The following ISCA1 variants were observed in gnomAD, a reference collection of about 807,000 sequenced individuals.
ISCA1 encodes iron-sulfur cluster assembly 1.
Under a neutral mutation model 14.7 loss-of-function variants are expected in ISCA1, and 9 were observed. That is an observed-to-expected ratio of 0.61 (90% CI 0.37 to 1.07). ISCA1 has a LOEUF of 1.07. Among genes scored for constraint, ISCA1 ranks in the 50% least tolerant of loss-of-function variants. The pLI is 0.01. For synonymous variants in ISCA1, 38 were observed against 54.3 expected (o/e 0.70, Z 1.32); for missense variants, 102 against 150.1 (o/e 0.68, Z 1.67).
chr9:86,279,818 A>G (rs1825486819), intron 1 of ISCA1, among the ~76,000 whole-genome samples: 2 of 152,228 alleles, frequency 1.3e-5, no homozygotes. Context: ...TGCTGATGAT[A>G]AACTAAGCAC....
chr9:86,280,793 C>T (rs1477805914), intron 1 of ISCA1, among the ~76,000 whole-genome samples: 1 of 151,596 alleles, frequency 6.6e-6, no homozygotes, highest in African/African-American at 2.4e-5. Flanking sequence ...GCATGCATGA[C>T]GGTGCACACC....
intron 1 of ISCA1, among the ~76,000 whole-genome samples, chr9:86,274,779 T>C (rs1825420326): frequency 6.6e-6 from 1 of 152,188 alleles, no homozygotes; most frequent in Non-Finnish European, 1.5e-5. Context: ...GTGTGCTTCT[T>C]GCACCAGTCC....
At chr9:86,279,861 G>C (rs550419034) in intron 1 of ISCA1, among the ~76,000 whole-genome samples, 1 of 152,282 alleles carries the variant, frequency 6.6e-6, no homozygotes, top group Admixed American at 6.5e-5. Context: ...GTCCTGACTA[G>C]GGCACGAATG....
chr9:86,265,884 G>T lies in ISCA1; in HGVS notation c.*159C>A, dbSNP rs769542902. On this transcript the variant is annotated 3_prime_UTR_variant, in exon 4 of 4. Coordinates refer to ENST00000375991, the MANE Select transcript of ISCA1 (RefSeq NM_030940.4). ...CTTCTCATTTTCTGTCCCCTATAGA[G>T]AATATAAATATCATTTCTTCTGGAA... The T allele has an allele frequency of 8.7e-7, 1 of 1,155,926 alleles. No homozygotes were observed. Among genetic ancestry groups the T allele is most frequent in the Non-Finnish European group, 1.3e-6 (1 of 766,876 alleles). The allele number at this position is 1,155,926 out of a possible 1,614,324, so 71.6% of individuals were successfully genotyped here.
rs567261815 is a variant in ISCA1, at chr9:86,265,145, T to G, written c.*898A>C. ...TAAAAATAATATAATCTCTATCAAA[T>G]TATAAAGAAATTCTATCAAAATGTT... On this transcript the variant is annotated 3_prime_UTR_variant, in exon 4 of 4. Transcript: ENST00000375991. 1 of 152,328 alleles carries G rather than the reference T, an allele frequency of 6.6e-6. No homozygotes were observed. The highest frequency in any genetic ancestry group is 1.9e-4 in the East Asian group (1 of 5,192). 9.4% of individuals were successfully genotyped at this position (152,328 alleles called of 1,614,324 possible). A position where few individuals can be genotyped will look rare whatever the true frequency, so the allele number is the denominator to read the frequency against.
chr9:86,280,625 A>G (rs1447833918), intron 1 of ISCA1, among the ~76,000 whole-genome samples: 1 of 149,116 alleles, frequency 6.7e-6, no homozygotes, highest in African/African-American at 2.5e-5. Flanking sequence ...GAAATTCTGA[A>G]GGAAGAGGTA....
At chr9:86,272,249 G>A in intron 2 of ISCA1, 137 bp from the exon 3 acceptor site, 1 of 651,338 alleles carries the variant, frequency 1.5e-6, no homozygotes. Flanking sequence ...TCACTATGTA[G>A]CCCAGACTGG....
intron 3 of ISCA1, among the ~76,000 whole-genome samples, chr9:86,270,947 C>A (rs1471298445): frequency 3.5e-5 from 3 of 85,418 alleles, no homozygotes; most frequent in African/African-American, 5.0e-5. Flanking sequence ...TGTTGTGGGG[C>A]GGGGGGAGGG....
intron 3 of ISCA1, chr9:86,267,727 G>T: frequency 6.4e-6 from 2 of 312,854 alleles, no homozygotes; most frequent in Non-Finnish European, 4.6e-6. Context: ...CAGCTACTTG[G>T]GAGGCTGAGG....
chr9:86,282,519 A>C lies in ISCA1; in HGVS notation c.-61T>G, dbSNP rs909270385. 2 of 1,549,274 alleles carry C rather than the reference A, an allele frequency of 1.3e-6. No homozygotes were observed. The highest frequency in any genetic ancestry group is 1.7e-6 in the Non-Finnish European group (2 of 1,146,354). Reference sequence around the variant, plus strand: ...AGGTCGGCCGCCTCAGCTTCTCTCCATGGACACGGCGGGCGCATTGACGCC... The same window carrying C: ...AGGTCGGCCGCCTCAGCTTCTCTCCCTGGACACGGCGGGCGCATTGACGCC... On this transcript the variant is annotated 5_prime_UTR_variant, in exon 1 of 4. It removes an upstream start codon present in the reference 5' UTR. Coordinates refer to ENST00000375991, the MANE Select transcript of ISCA1 (RefSeq NM_030940.4).
At position 86,264,867 on chromosome 9, in the gene ISCA1, G is replaced by A. The variant is rs367842893; in HGVS notation, c.*1176C>T. On this transcript the variant is annotated 3_prime_UTR_variant, in exon 4 of 4. Transcript: ENST00000375991. The stretch of plus-strand genomic sequence containing the variant: ...ACAAAAGGAACACTTTTAAAGAAAA[G>A]TTGGTGATAAATATGTTAGGCTAAA... The A allele has an allele frequency of 2.0e-5, 3 of 152,276 alleles. No individual in the cohort carries two copies. The highest frequency in any genetic ancestry group is 4.8e-5 in the African/African-American group (2 of 41,564). The allele number at this position is 152,276 out of a possible 1,614,324, so 9.4% of individuals were successfully genotyped here. A position where few individuals can be genotyped will look rare whatever the true frequency, so the allele number is the denominator to read the frequency against.
chr9:86,280,840 A>T (rs1164737720), intron 1 of ISCA1, among the ~76,000 whole-genome samples: 1 of 151,976 alleles, frequency 6.6e-6, no homozygotes, highest in Non-Finnish European at 1.5e-5. Flanking sequence ...AGGTGGGAGG[A>T]TCGCTTGGGC....
intron 1 of ISCA1, among the ~76,000 whole-genome samples, chr9:86,278,521 A>G (rs78135842): frequency 6.6e-6 from 1 of 151,858 alleles, no homozygotes; most frequent in African/African-American, 2.4e-5. Context: ...AAAAAAAAAA[A>G]TTAGCAGTCA....
chr9:86,271,591 A>C (rs1245863895), intron 3 of ISCA1, among the ~76,000 whole-genome samples: 2 of 152,204 alleles, frequency 1.3e-5, no homozygotes, highest in Non-Finnish European at 2.9e-5. Flanking sequence ...ACAGATATAA[A>C]ACTACTGCTT....
chr9:86,270,069 A>T (rs1404672683), intron 3 of ISCA1, among the ~76,000 whole-genome samples: 1 of 151,458 alleles, frequency 6.6e-6, no homozygotes, highest in Non-Finnish European at 1.5e-5. Context: ...AAGCAATGGC[A>T]ACAGAAGCCA....
intron 1 of ISCA1, among the ~76,000 whole-genome samples, chr9:86,277,230 A>G (rs933456731): frequency 6.6e-6 from 1 of 152,122 alleles, no homozygotes; most frequent in African/African-American, 2.4e-5. Context: ...ATACTGAAGG[A>G]CTCTTTAAGG....
intron 1 of ISCA1, among the ~76,000 whole-genome samples, chr9:86,279,566 G>T (rs1481126889): frequency 1.3e-5 from 2 of 152,140 alleles, no homozygotes; most frequent in Non-Finnish European, 2.9e-5. Flanking sequence ...TTCAAATGTT[G>T]CAACATGTCA....
In ISCA1 at chr9:86,265,902, T is replaced by A. The variant is rs1825287153; in HGVS notation, c.*141A>T. ...CTATAGAGAATATAAATATCATTTC[T>A]TCTGGAATCCAACACACTGGATTCA... On this transcript the variant is annotated 3_prime_UTR_variant, in exon 4 of 4. Coordinates refer to ENST00000375991, the MANE Select transcript of ISCA1 (RefSeq NM_030940.4). The A allele has an allele frequency of 7.7e-7, 1 of 1,302,234 alleles. No homozygotes were observed. Among genetic ancestry groups the A allele is most frequent in the East Asian group, 2.3e-5 (1 of 43,402 alleles). The allele number at this position is 1,302,234 out of a possible 1,614,324, so 80.7% of individuals were successfully genotyped here.
chr9:86,265,612 A>G lies in ISCA1; in HGVS notation c.*431T>C. ...TAAAAATGTATAAAAAGGCTATGTT[A>G]AGTTTGGGTGGAAAAAACAATGCAC... On this transcript the variant is annotated 3_prime_UTR_variant, in exon 4 of 4. Coordinates refer to ENST00000375991, the MANE Select transcript of ISCA1 (RefSeq NM_030940.4). The G allele has an allele frequency of 4.8e-6, 1 of 209,306 alleles. No homozygotes were observed. Among genetic ancestry groups the G allele is most frequent in the Non-Finnish European group, 9.8e-6 (1 of 102,026 alleles). 13.0% of individuals were successfully genotyped at this position (209,306 alleles called of 1,614,324 possible).
Sources: allele counts gnomAD v4.1 joint callset (sites outside exome capture counted in the v4.1 genomes callset), GRCh38; gene constraint gnomAD v4.1.1; transcripts MANE v1.5; gene names NCBI Gene and HGNC (gene_info 2026-07-23, HGNC 2026-07-21).